Variants in KCND2 observed in about 807,000 individuals in gnomAD.
The protein encoded by KCND2 is potassium voltage-gated channel subfamily D member 2, also known as A-type voltage-gated potassium channel KCND2.
In KCND2, 16 loss-of-function variants were observed where a neutral mutation model predicts 54.4. The ratio of observed to expected loss-of-function variants is 0.29; its 90% CI spans 0.20 to 0.45. KCND2 has a LOEUF of 0.45. Ranked by LOEUF, KCND2 falls within the 20% of genes least tolerant of loss-of-function variation. The pLI, the probability that KCND2 is intolerant of heterozygous loss-of-function variation, is 1.00. For synonymous variants in KCND2, 317 were observed against 310.7 expected (o/e 1.02, Z -0.21); for missense variants, 486 against 824.2 (o/e 0.59, Z 5.02).
intron 1 of KCND2, among the ~76,000 whole-genome samples, chr7:120,326,838 G>A (rs763541743): frequency 1.9e-4 from 29 of 152,070 alleles, no homozygotes; most frequent in Middle Eastern, 6.8e-3. Context: ...TAGACCTTGG[G>A]GATTGTTCAG....
chr7:120,465,755 G>C (rs1421065047), intron 1 of KCND2, among the ~76,000 whole-genome samples: 1 of 152,084 alleles, frequency 6.6e-6, no homozygotes, highest in East Asian at 1.9e-4. Context: ...AATGATGTGA[G>C]CATCACCTTG....
chr7:120,553,288 A>G (rs1386905049), intron 1 of KCND2, among the ~76,000 whole-genome samples: 1 of 152,118 alleles, frequency 6.6e-6, no homozygotes, highest in Non-Finnish European at 1.5e-5. Context: ...ATCTAGCATA[A>G]TGTTTCCTAG....
At chr7:120,336,859 C>T (rs1308473942) in intron 1 of KCND2, among the ~76,000 whole-genome samples, 1 of 152,120 alleles carries the variant, frequency 6.6e-6, no homozygotes, top group Non-Finnish European at 1.5e-5. Context: ...GGAGGCCACT[C>T]TCTTGAACCC....
At chr7:120,487,474 G>A (rs1802712023) in intron 1 of KCND2, among the ~76,000 whole-genome samples, 1 of 152,148 alleles carries the variant, frequency 6.6e-6, no homozygotes, top group Non-Finnish European at 1.5e-5. Flanking sequence ...GGGAAACTCT[G>A]GGAAATAGAA....
chr7:120,353,489 G>A (rs959871739), intron 1 of KCND2, among the ~76,000 whole-genome samples: 5 of 152,096 alleles, frequency 3.3e-5, no homozygotes, highest in African/African-American at 1.2e-4. Context: ...AAAGGAAAAA[G>A]CAATAGTGAC....
At chr7:120,471,785 A>G (rs1169626477) in intron 1 of KCND2, among the ~76,000 whole-genome samples, 1 of 152,072 alleles carries the variant, frequency 6.6e-6, no homozygotes, top group Non-Finnish European at 1.5e-5. Context: ...AACATCAAAC[A>G]TGCTTTTTAT....
chr7:120,715,260 G>GA (rs1033854496), intron 1 of KCND2, among the ~76,000 whole-genome samples: 3 of 149,468 alleles, frequency 2.0e-5, no homozygotes, highest in Admixed American at 1.3e-4. Flanking sequence ...GATTAATTCC[G>GA]AAAAAAAAAT....
At chr7:120,443,537 C>T (rs1351107856) in intron 1 of KCND2, among the ~76,000 whole-genome samples, 1 of 151,780 alleles carries the variant, frequency 6.6e-6, no homozygotes, top group Non-Finnish European at 1.5e-5. Context: ...TGCAGGTTTT[C>T]CCCCAACCCA....
intron 1 of KCND2, among the ~76,000 whole-genome samples, chr7:120,481,678 G>A (rs1365808754): frequency 6.6e-6 from 1 of 152,184 alleles, no homozygotes; most frequent in African/African-American, 2.4e-5. Context: ...TCTGCTCCCT[G>A]CATTCTGAAG....
rs185579297 is a variant in KCND2, at chr7:120,347,107, G to A, written c.1115+71360G>A. On this transcript the variant is annotated intron_variant, in intron 1 of 5. Transcript: ENST00000331113. ...CTTAACAGTTAAGCCAGATCTTCAC[G>A]CTGTTTTGAATAAGTTACTTCTAAA... 3.3e-5 allele frequency among the ~76,000 whole-genome samples: 5 copies of A among 152,086 alleles called. No individual in the cohort carries two copies. The South Asian group carries it at 6.2e-4, about 19-fold the overall frequency.
intron 4 of KCND2, among the ~76,000 whole-genome samples, chr7:120,743,432 C>T (rs1332237920): frequency 1.3e-5 from 2 of 152,134 alleles, no homozygotes; most frequent in East Asian, 3.9e-4. Flanking sequence ...ACCCAAGAAA[C>T]GCCATGAAAT....
chr7:120,291,690 T>C (rs1383310320), intron 1 of KCND2, among the ~76,000 whole-genome samples: 1 of 151,912 alleles, frequency 6.6e-6, no homozygotes, highest in Non-Finnish European at 1.5e-5. Flanking sequence ...CCTGTGACTT[T>C]AAATCCTGAC....
intron 1 of KCND2, among the ~76,000 whole-genome samples, chr7:120,284,204 A>G (rs997074897): frequency 1.3e-5 from 2 of 152,086 alleles, no homozygotes; most frequent in Non-Finnish European, 2.9e-5. Context: ...CCCTCTAGAT[A>G]ACTCTGCATC....
At chr7:120,691,159 C>T (rs1792264055) in intron 1 of KCND2, among the ~76,000 whole-genome samples, 1 of 152,174 alleles carries the variant, frequency 6.6e-6, no homozygotes, top group Admixed American at 6.5e-5. Context: ...CCTTGTGGAC[C>T]ATCCCAATGA....
At chr7:120,623,262 C>A (rs995804800) in intron 1 of KCND2, among the ~76,000 whole-genome samples, 4 of 152,156 alleles carry the variant, frequency 2.6e-5, no homozygotes, top group African/African-American at 7.2e-5. Context: ...AGAAAATAAG[C>A]GTGTATTATT....
At chr7:120,337,889 T>C (rs1800174985) in intron 1 of KCND2, among the ~76,000 whole-genome samples, 1 of 152,290 alleles carries the variant, frequency 6.6e-6, no homozygotes, top group Admixed American at 6.5e-5. Context: ...TTTTAAAAGT[T>C]TTTATTGAGC....
At chr7:120,724,991 T>C (rs1203752032) in intron 1 of KCND2, among the ~76,000 whole-genome samples, 1 of 152,258 alleles carries the variant, frequency 6.6e-6, no homozygotes, top group East Asian at 1.9e-4. Flanking sequence ...TTCATTAGAA[T>C]GTTAGGTCAA....
intron 1 of KCND2, among the ~76,000 whole-genome samples, chr7:120,723,870 G>A (rs981781533): frequency 6.6e-6 from 1 of 152,102 alleles, no homozygotes; most frequent in Non-Finnish European, 1.5e-5. Context: ...AATCATCTAG[G>A]TTAAAAATGG....
At chr7:120,459,992 C>T (rs1802261341) in intron 1 of KCND2, among the ~76,000 whole-genome samples, 1 of 152,146 alleles carries the variant, frequency 6.6e-6, no homozygotes, top group South Asian at 2.1e-4. Flanking sequence ...CTTCCTTTTA[C>T]ATTTTTTTCC....
Sources: gnomAD v4.1 joint callset for allele counts (sites outside exome capture counted in the v4.1 genomes callset) on GRCh38, gnomAD v4.1.1 for gene constraint, MANE v1.5 for transcripts, NCBI Gene and HGNC (gene_info 2026-07-23, HGNC 2026-07-21) for gene names.